ZNF521: variants seen among roughly 807,000 people sequenced by gnomAD.
ZNF521 encodes the protein zinc finger protein 521, also known as LYST-interacting protein 3.
Under a neutral mutation model 105.5 loss-of-function variants are expected in ZNF521, and 14 were observed. The observed-to-expected ratio is 0.13, with a 90% confidence interval of 0.09 to 0.21. ZNF521 has a LOEUF of 0.21. Among genes scored for constraint, ZNF521 ranks in the 10% least tolerant of loss-of-function variants. The pLI, the probability that ZNF521 is intolerant of heterozygous loss-of-function variation, is 1.00. For missense variants in ZNF521, 1,233 were observed against 1,629.7 expected (o/e 0.76, Z 4.19); for synonymous variants, 635 against 606.0 (o/e 1.05, Z -0.70).
chr18:25,316,860 TTTTTTTTTTTTGA>T (rs1317295480), intron 3 of ZNF521, among the ~76,000 whole-genome samples: 1 of 147,606 alleles, frequency 6.8e-6, no homozygotes, highest in East Asian at 2.1e-4. Flanking sequence ...TTTTTTTTTT[TTTTTTTTTTTTGA>T]GACAGAGTTT....
chr18:25,336,333 T>C (rs887197341), intron 2 of ZNF521, among the ~76,000 whole-genome samples: 7 of 152,230 alleles, frequency 4.6e-5, no homozygotes, highest in Non-Finnish European at 1.0e-4. Context: ...CAGATTTATC[T>C]TTTTAATTTA....
chr18:25,296,269 C>T (rs139819088), intron 3 of ZNF521, among the ~76,000 whole-genome samples: 68 of 152,244 alleles, frequency 4.5e-4, no homozygotes, highest in African/African-American at 1.6e-3. Context: ...AAGTAAAATT[C>T]CTCAAAAAGA....
intron 5 of ZNF521, 25 bp from the exon 6 acceptor site, chr18:25,092,106 A>C: frequency 6.2e-7 from 1 of 1,613,030 alleles, no homozygotes; most frequent in South Asian, 1.1e-5. Flanking sequence ...ACATGAAGAG[A>C]AATGATGAAA....
chr18:25,125,029 T>G (rs2034513044), intron 5 of ZNF521, among the ~76,000 whole-genome samples: 1 of 152,150 alleles, frequency 6.6e-6, no homozygotes, highest in South Asian at 2.1e-4. Flanking sequence ...TAAAAGTGAT[T>G]TCAATTAGTT....
At chr18:25,265,281 C>T (rs1909171282) in intron 3 of ZNF521, among the ~76,000 whole-genome samples, 1 of 152,210 alleles carries the variant, frequency 6.6e-6, no homozygotes, top group Non-Finnish European at 1.5e-5. Context: ...AGACAAAAAG[C>T]AGAGGCCAAA....
intron 3 of ZNF521, among the ~76,000 whole-genome samples, chr18:25,273,891 A>G (rs565475419): frequency 1.3e-5 from 2 of 152,170 alleles, no homozygotes; most frequent in South Asian, 4.1e-4. Context: ...TTAATAATAA[A>G]CTAATTGTTT....
At chr18:25,351,892 A>AGCGGCGGCAGCGGCGGCGGCAGCG (rs1218267812) in intron 1 of ZNF521, 113 bp downstream of exon 1, 1 of 275,490 alleles carries the variant, frequency 3.6e-6, no homozygotes, top group Non-Finnish European at 7.3e-6. Context: ...CGGCGGCAGC[A>AGCGGCGGCAGCGGCGGCGGCAGCG]GCGGCGGCAG....
chr18:25,177,124 T>G (rs2035549011), intron 5 of ZNF521, among the ~76,000 whole-genome samples: 1 of 152,332 alleles, frequency 6.6e-6, no homozygotes, highest in Admixed American at 6.5e-5. Context: ...TTAGTGCTCA[T>G]ATTTTATTGT....
At chr18:25,195,306 T>A in intron 4 of ZNF521, 62 bp from the exon 5 acceptor site, 2 of 1,332,964 alleles carry the variant, frequency 1.5e-6, no homozygotes, top group Non-Finnish European at 2.1e-6. Context: ...TTTCTTTGTT[T>A]AAAAAACATT....
Position 25,224,937 on chromosome 18 carries a change from T to C in ZNF521, c.2981A>G (p.Lys994Arg). 1 of 1,614,056 alleles carries C rather than the reference T, an allele frequency of 6.2e-7. No homozygotes were observed. The highest frequency in any genetic ancestry group is 1.6e-4 in the Middle Eastern group (1 of 6,062). Residue 994 changes from lysine to arginine, a missense_variant, in exon 4 of 8, where the codon AAG (lysine) becomes AGG (arginine). This residue lies in a region of ZNF521 where 614 missense variants were observed against 751.5 expected (regional missense o/e 0.82). Coordinates refer to ENST00000361524, the MANE Select transcript of ZNF521 (RefSeq NM_015461.3). ...CTCCTCTTCACTCTGGAGAGGCATC[T>C]TGCAAATCCGGCAGTTTCCAGTATC... ...SLDTGNCRIC[K>R]MPLQSEEEFL...
In ZNF521 at chr18:25,062,339, T is replaced by C. The variant is rs2032917834; in HGVS notation, c.*373A>G. 2 of 249,702 alleles carry C rather than the reference T, an allele frequency of 8.0e-6. No individual in the cohort carries two copies. The highest frequency in any genetic ancestry group is 4.4e-5 in the African/African-American group (2 of 45,264). The allele number at this position is 249,702 out of a possible 1,614,324, so 15.5% of individuals were successfully genotyped here. On this transcript the variant is annotated 3_prime_UTR_variant, in exon 8 of 8. Transcript: ENST00000361524. ...AGGCTTAAGTGTAAAGAAAAGGAAGTCCAACCATAGTCTCATGTATAACAG... is the reference window on the plus strand; with the variant it reads ...AGGCTTAAGTGTAAAGAAAAGGAAGCCCAACCATAGTCTCATGTATAACAG...
At chr18:25,146,392 A>G (rs2034943591) in intron 5 of ZNF521, among the ~76,000 whole-genome samples, 1 of 152,148 alleles carries the variant, frequency 6.6e-6, no homozygotes, top group Non-Finnish European at 1.5e-5. Flanking sequence ...AATTTATAAA[A>G]CTACCCTTCC....
Position 25,226,877 on chromosome 18 carries a change from G to T in ZNF521, c.1041C>A (p.Val347=), listed in dbSNP as rs751932855. Residue 347 remains valine, a synonymous_variant, in exon 4 of 8, where the codon GTC becomes GTA. Transcript: ENST00000361524. This position sits in a 1 kb window ranked among gnomAD's most constrained non-coding sequence, Gnocchi z 4.1. ...SCNHSNSPSL[V]TVGYTSVSST... ...TGGACACGGAGGTATAGCCCACCGT[G>T]ACCAGGGAAGGGCTGTTGCTGTGAT... 2 of 1,613,946 alleles carry T rather than the reference G, an allele frequency of 1.2e-6. No homozygotes were observed. Among genetic ancestry groups the T allele is most frequent in the South Asian group, 2.2e-5 (2 of 91,028 alleles).
chr18:25,116,843 G>C (rs1262460096), intron 5 of ZNF521, among the ~76,000 whole-genome samples: 2 of 147,960 alleles, frequency 1.4e-5, no homozygotes, highest in Non-Finnish European at 3.0e-5. Flanking sequence ...TGGAAAGTAA[G>C]GGGAAAATCT....
At chr18:25,142,288 C>A (rs2034864083) in intron 5 of ZNF521, among the ~76,000 whole-genome samples, 1 of 152,158 alleles carries the variant, frequency 6.6e-6, no homozygotes, top group Non-Finnish European at 1.5e-5. Context: ...TCAGGCAGCT[C>A]ACCAGGCATA....
chr18:25,346,972 T>C (rs375812107), intron 2 of ZNF521, among the ~76,000 whole-genome samples: 3 of 152,348 alleles, frequency 2.0e-5, no homozygotes, highest in African/African-American at 7.2e-5. Flanking sequence ...CACTTTTTCC[T>C]TTTTACAGTG....
intron 4 of ZNF521, among the ~76,000 whole-genome samples, chr18:25,215,961 A>T (rs185270202): frequency 6.6e-6 from 1 of 152,316 alleles, no homozygotes; most frequent in Admixed American, 6.5e-5. Context: ...TTTGAAGAAC[A>T]CCTTGAACCT....
intron 4 of ZNF521, among the ~76,000 whole-genome samples, chr18:25,218,333 G>T (rs1175355533): frequency 1.3e-5 from 2 of 151,908 alleles, no homozygotes; most frequent in East Asian, 1.9e-4. Flanking sequence ...AACTTAAAAC[G>T]TGGTAAGGGG....
intron 3 of ZNF521, chr18:25,302,815 A>G (rs530961316): frequency 6.6e-6 from 1 of 152,334 alleles, no homozygotes; most frequent in Admixed American, 6.5e-5. Flanking sequence ...TATCAACCAG[A>G]GAAAAAGGTC....
Sources: gnomAD v4.1 joint callset for allele counts (sites outside exome capture counted in the v4.1 genomes callset) on GRCh38, gnomAD v4.1.1 for gene constraint, gnomAD v4.1.1 regional missense constraint, Gnocchi (gnomAD v3.1) non-coding constraint, MANE v1.5 for transcripts, NCBI Gene and HGNC (gene_info 2026-07-23, HGNC 2026-07-21) for gene names.